TSPAN9: variants seen among roughly 807,000 people sequenced by gnomAD.
The protein encoded by TSPAN9 is tetraspanin-9.
A neutral mutation model predicts 31.0 loss-of-function variants in TSPAN9; 16 were observed. The ratio of observed to expected loss-of-function variants is 0.52; its 90% CI spans 0.35 to 0.78. The LOEUF is 0.78. TSPAN9 is among the 30% of genes least tolerant of loss of function. TSPAN9 has a pLI of 0.01. For missense variants in TSPAN9, 272 were observed against 312.5 expected, an observed-to-expected ratio of 0.87 and a Z score of 0.98; for synonymous variants, 145 against 121.6, an observed-to-expected ratio of 1.19 and a Z score of -1.27.
At chr12:3,113,585 C>T (rs1334411509) in intron 2 of TSPAN9, among the ~76,000 whole-genome samples, 1 of 152,186 alleles carries the variant, frequency 6.6e-6, no homozygotes, top group African/African-American at 2.4e-5. Context: ...CTTCCATCTT[C>T]TATCATCTTA....
intron 3 of TSPAN9, among the ~76,000 whole-genome samples, chr12:3,244,107 A>G (rs941171626): frequency 1.3e-5 from 2 of 151,970 alleles, no homozygotes; most frequent in African/African-American, 2.4e-5. Flanking sequence ...CCCACAGTGG[A>G]CTCCAGGGTG....
chr12:3,268,708 G>C (rs1471478176), intron 3 of TSPAN9, among the ~76,000 whole-genome samples: 1 of 103,168 alleles, frequency 9.7e-6, no homozygotes, highest in Admixed American at 9.4e-5. Flanking sequence ...TGCCCTCCGT[G>C]CGTTCCTGCA....
chr12:3,183,073 C>T (rs1472406443), intron 2 of TSPAN9, among the ~76,000 whole-genome samples: 1 of 152,204 alleles, frequency 6.6e-6, no homozygotes. Flanking sequence ...AGAGCTAGCG[C>T]CATTGCTGAT....
chr12:3,087,294 A>C (rs1423273632), intron 2 of TSPAN9, among the ~76,000 whole-genome samples: 1 of 152,082 alleles, frequency 6.6e-6, no homozygotes, highest in Non-Finnish European at 1.5e-5. Flanking sequence ...CCAAGGCGGG[A>C]GCATTGCTTG....
chr12:3,254,569 T>A (rs1862310053), intron 3 of TSPAN9, among the ~76,000 whole-genome samples: 1 of 152,170 alleles, frequency 6.6e-6, no homozygotes, highest in Non-Finnish European at 1.5e-5. Context: ...TTGTCCGTTC[T>A]GATGATGATG....
At chr12:3,199,456 C>T (rs894375082) in intron 2 of TSPAN9, among the ~76,000 whole-genome samples, 1 of 152,228 alleles carries the variant, frequency 6.6e-6, no homozygotes, top group South Asian at 2.1e-4. Context: ...GGAGGCTGCC[C>T]AGTTGCAGTG....
intron 2 of TSPAN9, among the ~76,000 whole-genome samples, chr12:3,149,128 A>G (rs1213367236): frequency 6.6e-6 from 1 of 152,154 alleles, no homozygotes; most frequent in Non-Finnish European, 1.5e-5. Flanking sequence ...TACATCTAAC[A>G]AGTTCTTTTG....
At chr12:3,119,543 A>G (rs531577679) in intron 2 of TSPAN9, among the ~76,000 whole-genome samples, 30 of 152,208 alleles carry the variant, frequency 2.0e-4, no homozygotes, top group African/African-American at 6.7e-4. Flanking sequence ...TTCTGCAGGA[A>G]GTCTTGGCCT....
chr12:3,252,868 TA>T (rs1405910571), intron 3 of TSPAN9, among the ~76,000 whole-genome samples: 1 of 152,044 alleles, frequency 6.6e-6, no homozygotes, highest in African/African-American at 2.4e-5. Flanking sequence ...GGACATCTGT[TA>T]GGGGGAGGGG....
At chr12:3,262,973 T>C (rs1474593049) in intron 3 of TSPAN9, among the ~76,000 whole-genome samples, 2 of 152,170 alleles carry the variant, frequency 1.3e-5, no homozygotes, top group Non-Finnish European at 2.9e-5. Context: ...TGATGTCGTC[T>C]CACAAGGGGG....
intron 3 of TSPAN9, among the ~76,000 whole-genome samples, chr12:3,230,690 GGGGTAA>G (rs1291210331): frequency 2.0e-5 from 3 of 152,054 alleles, no homozygotes; most frequent in Non-Finnish European, 2.9e-5. Flanking sequence ...TGGGAACTGA[GGGGTAA>G]GAGTCCATGC....
At position 3,112,676 on chromosome 12, in the gene TSPAN9, CTTTTT is replaced by C. The variant is rs765040711; in HGVS notation, c.-18+28972_-18+28976del. Reference sequence around the variant, plus strand: ...TTATTCTCAATCTCATTTATTTTTGCTTTTTTTTTTTTTTTTTTTGGAGACAGAGT... The same window carrying C: ...TTATTCTCAATCTCATTTATTTTTGCTTTTTTTTTTTTTTGGAGACAGAGT... On this transcript the variant is annotated intron_variant, in intron 2 of 8. Transcript: ENST00000011898. Among the ~76,000 whole-genome samples, 4 of 88,512 alleles carry C rather than the reference CTTTTT, an allele frequency of 4.5e-5. No homozygotes were observed. The East Asian group carries it at 1.1e-3, about 23-fold the overall frequency. 58.1% of individuals were successfully genotyped at this position (88,512 alleles called of 152,430 possible).
intron 2 of TSPAN9, among the ~76,000 whole-genome samples, chr12:3,138,546 C>T (rs893573687): frequency 9.9e-5 from 15 of 152,086 alleles, no homozygotes; most frequent in Non-Finnish European, 1.9e-4. Context: ...CAGCCTTCAC[C>T]TCCTGGGCTC....
chr12:3,140,328 T>C (rs1191416122), intron 2 of TSPAN9, among the ~76,000 whole-genome samples: 1 of 152,138 alleles, frequency 6.6e-6, no homozygotes, highest in Non-Finnish European at 1.5e-5. Context: ...TAGTCGACAC[T>C]GAAGGACTTC....
chr12:3,163,805 A>T (rs1455975640), intron 2 of TSPAN9, among the ~76,000 whole-genome samples: 1 of 152,242 alleles, frequency 6.6e-6, no homozygotes, highest in Non-Finnish European at 1.5e-5. Context: ...CAGATAACAC[A>T]TCAGTGGTAA....
chr12:3,100,775 A>C (rs2098311531), intron 2 of TSPAN9, among the ~76,000 whole-genome samples: 1 of 152,074 alleles, frequency 6.6e-6, no homozygotes. Context: ...TTTTCCCCTT[A>C]CTTAATTTAT....
chr12:3,211,042 T>C (rs1332690475), intron 3 of TSPAN9, among the ~76,000 whole-genome samples: 1 of 152,178 alleles, frequency 6.6e-6, no homozygotes, highest in Non-Finnish European at 1.5e-5. Flanking sequence ...CACGGCGCCC[T>C]GCTTCAGCTT....
intron 8 of TSPAN9, chr12:3,282,065 C>A: frequency 1.5e-6 from 1 of 676,512 alleles, no homozygotes. Flanking sequence ...GATATTGAAG[C>A]TGGAGTCAAC....
intron 3 of TSPAN9, among the ~76,000 whole-genome samples, chr12:3,251,459 G>A (rs1303579321): frequency 6.6e-6 from 1 of 152,204 alleles, no homozygotes; most frequent in Non-Finnish European, 1.5e-5. Context: ...TTTTTCAAAA[G>A]TTCTTTTTTC....
Sources: gnomAD v4.1 joint callset for allele counts (sites outside exome capture counted in the v4.1 genomes callset) on GRCh38, gnomAD v4.1.1 for gene constraint, MANE v1.5 for transcripts, NCBI Gene and HGNC (gene_info 2026-07-23, HGNC 2026-07-21) for gene names.